Variants in ADAM28 observed in about 807,000 individuals in gnomAD.
ADAM28 encodes the protein ADAM metallopeptidase domain 28.
Under a neutral mutation model 101.2 loss-of-function variants are expected in ADAM28, and 105 were observed. The ratio of observed to expected loss-of-function variants is 1.04; its 90% CI spans 0.89 to 1.22. The LOEUF is 1.22. ADAM28 is among the 50% of genes most tolerant of loss of function. The probability of loss-of-function intolerance (pLI) is 0.00; values close to 1 mark genes in which losing one functional copy is unlikely to be tolerated. For missense variants in ADAM28, 1,028 were observed against 945.4 expected, an observed-to-expected ratio of 1.09 and a Z score of -1.15; for synonymous variants, 322 against 310.6, an observed-to-expected ratio of 1.04 and a Z score of -0.39.
chr8:24,342,889 T>C (rs1167599767), intron 16 of ADAM28: 3 of 770,802 alleles, frequency 3.9e-6, no homozygotes, highest in Admixed American at 3.2e-5. Context: ...TAAAAATACA[T>C]AAATTCTTAG....
intron 8 of ADAM28, among the ~76,000 whole-genome samples, chr8:24,322,273 G>T (rs1014168099): frequency 6.6e-6 from 1 of 151,920 alleles, no homozygotes; most frequent in African/African-American, 2.4e-5. Flanking sequence ...CTCAGAGATT[G>T]TTCATTTATA....
At position 24,309,955 on chromosome 8, in the gene ADAM28, A is replaced by G; in HGVS notation, c.212A>G (p.Tyr71Cys). 1.3e-6 allele frequency: 2 copies of G among 1,566,578 alleles called. No homozygotes were observed. The highest frequency in any genetic ancestry group is 1.1e-5 in the South Asian group (1 of 89,214). The change falls in exon 3 of 23, where the codon TAT (tyrosine) becomes TGT (cysteine). Residue 71 changes from tyrosine (Y) to cysteine (C), a missense_variant. Coordinates refer to ENST00000265769, the MANE Select transcript of ADAM28 (RefSeq NM_014265.6). ...ATTAATGGAAAAATTGCAGTGCTTT[A>G]TTTGAAAAAAAACAAGTAAGTATCT... ...MTINGKIAVLYLKKNKNLLAP... is the reference protein window; with the variant it reads ...MTINGKIAVLCLKKNKNLLAP...
At chr8:24,306,549 A>G (rs1210154055) in intron 2 of ADAM28, among the ~76,000 whole-genome samples, 3 of 151,602 alleles carry the variant, frequency 2.0e-5, no homozygotes, top group Non-Finnish European at 2.9e-5. Context: ...AAACTCCTCC[A>G]TGTGCAGGAT....
At chr8:24,336,735 A>G (rs1404193979) in intron 14 of ADAM28, among the ~76,000 whole-genome samples, 3 of 151,946 alleles carry the variant, frequency 2.0e-5, no homozygotes, top group African/African-American at 7.3e-5. Flanking sequence ...TGTGACAGGG[A>G]GGAGGTGGGG....
At chr8:24,301,853 A>T (rs937709117) in intron 2 of ADAM28, among the ~76,000 whole-genome samples, 3 of 152,184 alleles carry the variant, frequency 2.0e-5, no homozygotes, top group Non-Finnish European at 4.4e-5. Flanking sequence ...TAACCCTGAG[A>T]CACTGACCAG....
intron 21 of ADAM28, among the ~76,000 whole-genome samples, chr8:24,352,304 TC>T (rs1394250103): frequency 6.6e-6 from 1 of 152,216 alleles, no homozygotes; most frequent in Admixed American, 6.5e-5. Flanking sequence ...TTTCATCAGC[TC>T]AGGCTGCTGT....
chr8:24,294,333 C>T, intron 1 of ADAM28, 138 bp downstream of exon 1: 1 of 999,912 alleles, frequency 1.0e-6, no homozygotes, highest in Non-Finnish European at 1.5e-6. Context: ...ACCAGTTGGG[C>T]TGGTTTTAAC....
chr8:24,327,028 A>G (rs868131028), intron 10 of ADAM28, among the ~76,000 whole-genome samples: 15 of 152,178 alleles, frequency 9.9e-5, no homozygotes, highest in African/African-American at 3.1e-4. Context: ...TTAACATAGT[A>G]TTGGAAGTTC....
At chr8:24,311,247 A>G in intron 4 of ADAM28, 114 bp from the exon 5 acceptor site, 1 of 689,896 alleles carries the variant, frequency 1.4e-6, no homozygotes. Context: ...ACTGTTGTAC[A>G]GCAGAATATT....
intron 14 of ADAM28, chr8:24,336,093 G>A (rs990361438): frequency 7.1e-6 from 7 of 987,894 alleles, no homozygotes; most frequent in Non-Finnish European, 8.4e-6. Flanking sequence ...GGATGGGACA[G>A]AAATAAGAAA....
intron 1 of ADAM28, among the ~76,000 whole-genome samples, chr8:24,294,640 G>C (rs1382191128): frequency 1.4e-5 from 2 of 147,536 alleles, no homozygotes; most frequent in African/African-American, 5.4e-5. Context: ...CTTTCTGTTT[G>C]AGTGTATATT....
intron 2 of ADAM28, 99 bp downstream of exon 2, chr8:24,300,176 A>G: frequency 1.0e-6 from 1 of 976,862 alleles, no homozygotes; most frequent in Non-Finnish European, 1.5e-6. Context: ...GGATTTATAC[A>G]TGTATGTTTA....
rs1042327601 is a variant in ADAM28, at chr8:24,352,789, T to C, written c.2244+737T>C. Among the ~76,000 whole-genome samples, 5 of 152,274 alleles carry C rather than the reference T, an allele frequency of 3.3e-5. No homozygotes were observed. In the South Asian group the frequency reaches 8.3e-4, roughly 25 times the overall value. On this transcript the variant is annotated intron_variant, in intron 21 of 22. Transcript: ENST00000265769. ...GGCTTCTCCATTTCTGAAAATGATT[T>C]AAGTCTTTTCTTTATGCACGCCTAT...
At chr8:24,312,056 C>A (rs1055455321) in intron 5 of ADAM28, among the ~76,000 whole-genome samples, 1 of 152,056 alleles carries the variant, frequency 6.6e-6, no homozygotes, top group Non-Finnish European at 1.5e-5. Context: ...CCACTTTAAG[C>A]TCTCACTCGC....
intron 2 of ADAM28, among the ~76,000 whole-genome samples, chr8:24,303,316 G>C (rs968551708): frequency 3.9e-5 from 6 of 152,078 alleles, no homozygotes; most frequent in Non-Finnish European, 8.8e-5. Flanking sequence ...GTTAATTTTT[G>C]TATAAGGTGG....
At chr8:24,329,937 A>C in intron 10 of ADAM28, 48 bp from the exon 11 acceptor site, 2 of 1,581,826 alleles carry the variant, frequency 1.3e-6, no homozygotes, top group Non-Finnish European at 1.7e-6. Context: ...AGTGATGTAT[A>C]ATTTCATTCG....
chr8:24,331,063 G>A, intron 11 of ADAM28, 87 bp from the exon 12 acceptor site: 6 of 1,318,768 alleles, frequency 4.5e-6, no homozygotes, highest in Non-Finnish European at 6.1e-6. Context: ...GGGGCAGGCC[G>A]TGGGTGTAAT....
At chr8:24,315,673 C>A (rs1278245263) in intron 6 of ADAM28, among the ~76,000 whole-genome samples, 1 of 151,852 alleles carries the variant, frequency 6.6e-6, no homozygotes, top group East Asian at 1.9e-4. Context: ...CCCAGCATTA[C>A]CTTTATACCT....
At chr8:24,315,232 A>G (rs1811008684) in intron 6 of ADAM28, among the ~76,000 whole-genome samples, 1 of 151,998 alleles carries the variant, frequency 6.6e-6, no homozygotes, top group African/African-American at 2.4e-5. Context: ...AAAAAGATGG[A>G]AGAACATATT....
Sources: allele counts gnomAD v4.1 joint callset (sites outside exome capture counted in the v4.1 genomes callset), GRCh38; gene constraint gnomAD v4.1.1; transcripts MANE v1.5; gene names NCBI Gene and HGNC (gene_info 2026-07-23, HGNC 2026-07-21).